The following WDR59 variants were observed in gnomAD, a reference collection of about 807,000 sequenced individuals.
The protein encoded by WDR59 is GATOR2 complex protein WDR59.
In WDR59, 100 loss-of-function variants were observed where a neutral mutation model predicts 131.2. That is an observed-to-expected ratio of 0.76 (90% CI 0.65 to 0.90). The LOEUF is 0.90. WDR59 is among the 40% of genes least tolerant of loss of function. The probability of loss-of-function intolerance (pLI) is 0.00; values close to 1 mark genes in which losing one functional copy is unlikely to be tolerated. For missense variants in WDR59, 1,203 were observed against 1,262.2 expected (o/e 0.95, Z 0.71); for synonymous variants, 601 against 466.2 (o/e 1.29, Z -3.72).
intron 1 of WDR59, among the ~76,000 whole-genome samples, chr16:74,974,125 A>G (rs1407048870): frequency 1.3e-5 from 2 of 152,196 alleles, no homozygotes; most frequent in African/African-American, 2.4e-5. Context: ...AGCTGAGATT[A>G]TGCCACTGCA....
At chr16:74,952,113 G>A (rs2033037009) in intron 3 of WDR59, among the ~76,000 whole-genome samples, 1 of 151,856 alleles carries the variant, frequency 6.6e-6, no homozygotes, top group Non-Finnish European at 1.5e-5. Context: ...TGAGGACTGC[G>A]CCATCACAAC....
chr16:74,972,067 G>A (rs1190561500), intron 1 of WDR59, among the ~76,000 whole-genome samples: 1 of 152,148 alleles, frequency 6.6e-6, no homozygotes, highest in African/African-American at 2.4e-5. Context: ...CAAACTTATT[G>A]TCCAGGACTG....
intron 25 of WDR59, among the ~76,000 whole-genome samples, chr16:74,878,448 G>A (rs988740999): frequency 2.0e-5 from 3 of 152,200 alleles, no homozygotes; most frequent in African/African-American, 4.8e-5. Flanking sequence ...GAGGCCAGGC[G>A]TTCGAGACCA....
At chr16:74,931,086 G>C (rs1187379013) in intron 8 of WDR59, among the ~76,000 whole-genome samples, 1 of 151,866 alleles carries the variant, frequency 6.6e-6, no homozygotes, top group Non-Finnish European at 1.5e-5. Context: ...ATATCTATGT[G>C]TGTTTTCCTG....
chr16:74,883,012 GTTTTTTGCTTTT>G (rs1964577319), intron 25 of WDR59, among the ~76,000 whole-genome samples: 2 of 116,716 alleles, frequency 1.7e-5, no homozygotes, highest in African/African-American at 3.2e-5. Context: ...TCGTTTTTTT[GTTTTTTGCTTTT>G]TTTTTTTTTT....
chr16:74,945,799 G>T (rs1207440063), intron 6 of WDR59, among the ~76,000 whole-genome samples: 1 of 150,632 alleles, frequency 6.6e-6, no homozygotes, highest in Non-Finnish European at 1.5e-5. Context: ...GAGAGAGACA[G>T]GCCACATTCA....
In WDR59 at chr16:74,885,663, G is replaced by C; in HGVS notation, c.2679C>G (p.His893Gln). Residue 893 changes from histidine (H) to glutamine (Q), a missense_variant, in exon 25 of 26, where the codon CAC becomes CAG. Coordinates refer to ENST00000262144, the MANE Select transcript of WDR59 (RefSeq NM_030581.4). ...LKFVSCPPDP[H>Q]KGIEFGVYCS... is the part of the protein sequence containing the mutation. ...GAAATTCATACTCACCGATCCCTTT[G>C]TGAGGGTCAGGAGGACAGGAGACAA... 1 of 1,613,964 alleles carries C rather than the reference G, an allele frequency of 6.2e-7. No homozygotes were observed.
Position 74,873,790 on chromosome 16 carries a change from G to A in WDR59, c.*419C>T, listed in dbSNP as rs1460611696. The A allele has an allele frequency of 5.9e-6, 1 of 168,452 alleles. No homozygotes were observed. Among genetic ancestry groups the A allele is most frequent in the African/African-American group, 2.4e-5 (1 of 41,802 alleles). 10.4% of individuals were successfully genotyped at this position (168,452 alleles called of 1,614,324 possible). A position where few individuals can be genotyped will look rare whatever the true frequency, so the allele number is the denominator to read the frequency against. On this transcript the variant is annotated 3_prime_UTR_variant, in exon 26 of 26. Transcript: ENST00000262144. ...TGATGCCATAGGTCCATTTGTTGATGAAATTCCTACCCACTGTCCTCGGGC... is the reference window on the plus strand; with the variant it reads ...TGATGCCATAGGTCCATTTGTTGATAAAATTCCTACCCACTGTCCTCGGGC...
chr16:74,912,920 C>A (rs775644129), intron 13 of WDR59, among the ~76,000 whole-genome samples: 4 of 152,196 alleles, frequency 2.6e-5, no homozygotes, highest in African/African-American at 9.7e-5. Context: ...CGTGTTTAAG[C>A]GGTTTTCTGC....
chr16:74,927,058 T>C (rs984960408), intron 8 of WDR59, among the ~76,000 whole-genome samples: 1 of 152,170 alleles, frequency 6.6e-6, no homozygotes, highest in African/African-American at 2.4e-5. Context: ...CCTGCTTAGT[T>C]CCCCAGCCTG....
At chr16:74,908,233 A>G (rs780011311) in intron 17 of WDR59, among the ~76,000 whole-genome samples, 15 of 152,068 alleles carry the variant, frequency 9.9e-5, no homozygotes, top group Middle Eastern at 3.2e-3. Flanking sequence ...GCCTGGCAAC[A>G]CTGCAAAACC....
At position 74,922,023 on chromosome 16, in the gene WDR59, G is replaced by A. The variant is rs759240517; in HGVS notation, c.810C>T (p.Asp270=). ...CGAAGGTGTGGACTGGGGTGTTCAA[G>A]TCAAAGACATTCCACAGGAGAAGGC... The part of the protein sequence containing the change: ...ENSLLLWNVF[D]LNTPVHTFVG... Residue 270 remains aspartate (D), a synonymous_variant, in exon 10 of 26, where the codon GAC becomes GAT. Transcript: ENST00000262144. 2.5e-6 allele frequency: 4 copies of A among 1,614,176 alleles called. No individual in the cohort carries two copies. Among genetic ancestry groups the A allele is most frequent in the African/African-American group, 2.7e-5 (2 of 75,034 alleles).
In WDR59 at chr16:74,956,701, G is replaced by A. The variant is rs530342705; in HGVS notation, c.105-91C>T. On this transcript the variant is annotated intron_variant, in intron 2 of 25. Transcript: ENST00000262144. ...GCACAATTGGAATTGCATACAATTT[G>A]CAAGCAGTGCTCCAAAAAACCCAAA... is the stretch of plus-strand genomic sequence containing the variant. 18 of 1,492,088 alleles carry A rather than the reference G, an allele frequency of 1.2e-5. No individual in the cohort carries two copies. In the African/African-American group the frequency reaches 2.2e-4, roughly 19 times the overall value. The allele number at this position is 1,492,088 out of a possible 1,614,324, so 92.4% of individuals were successfully genotyped here.
chr16:74,966,030 G>C (rs1265981024), intron 1 of WDR59, among the ~76,000 whole-genome samples: 3 of 152,056 alleles, frequency 2.0e-5, no homozygotes, highest in Non-Finnish European at 4.4e-5. Context: ...GTAGAGACAG[G>C]GTCTTGCTAT....
Position 74,917,938 on chromosome 16 carries a change from C to T in WDR59, c.957G>A (p.Gln319=). The T allele has an allele frequency of 6.2e-7, 1 of 1,613,164 alleles. No individual in the cohort carries two copies. Among genetic ancestry groups the T allele is most frequent in the Non-Finnish European group, 8.5e-7 (1 of 1,179,454 alleles). The change falls in exon 11 of 26, where the codon CAG becomes CAA. Residue 319 remains glutamine (Q), a synonymous_variant. Transcript: ENST00000262144. ...QTLRMWRVDS[Q]MQRLCANDIL... is the part of the protein sequence containing the mutation. Reference sequence around the variant, plus strand: ...AGCACTGCATACATACCCTCTGCATCTGGGAATCCACCCGCCACATTCTCA... The same window carrying T: ...AGCACTGCATACATACCCTCTGCATTTGGGAATCCACCCGCCACATTCTCA...
At position 74,924,018 on chromosome 16, in the gene WDR59, G is replaced by C. The variant is rs1388825031; in HGVS notation, c.652-15C>G. ...TAATCCCAGAACTAGAAGAGAGCAA[G>C]CAAGATCATTTGTGAAATAAATGCC... On this transcript the variant is annotated splice_polypyrimidine_tract_variant and intron_variant, in intron 8 of 25. Transcript: ENST00000262144. 1 of 1,611,932 alleles carries C rather than the reference G, an allele frequency of 6.2e-7. No homozygotes were observed. Among genetic ancestry groups the C allele is most frequent in the Admixed American group, 1.7e-5 (1 of 59,822 alleles).
At chr16:74,981,645 TATA>T (rs2034423493) in intron 1 of WDR59, among the ~76,000 whole-genome samples, 6 of 13,226 alleles carry the variant, frequency 4.5e-4, no homozygotes, top group Admixed American at 2.3e-3. Context: ...TATATATATA[TATA>T]TATATATATA....
chr16:74,949,354 AGAAAG>A (rs1567423732), intron 5 of WDR59, among the ~76,000 whole-genome samples: 1 of 141,580 alleles, frequency 7.1e-6, no homozygotes, highest in African/African-American at 2.7e-5. Context: ...AAAAAAAAAA[AGAAAG>A]GAAAGAAAGA....
At chr16:74,899,574 C>G in intron 18 of WDR59, 1 of 722,898 alleles carries the variant, frequency 1.4e-6, no homozygotes, top group South Asian at 1.6e-5. Context: ...TTGACTGTTG[C>G]TGGTCCTGAA....
Sources: gnomAD v4.1 joint callset for allele counts (sites outside exome capture counted in the v4.1 genomes callset) on GRCh38, gnomAD v4.1.1 for gene constraint, MANE v1.5 for transcripts, NCBI Gene and HGNC (gene_info 2026-07-23, HGNC 2026-07-21) for gene names.